Variants in FAM135A observed in about 807,000 individuals in gnomAD.
The protein encoded by FAM135A is protein FAM135A.
FAM135A carries 79 observed loss-of-function variants against 146.8 expected under a neutral mutation model. That is an observed-to-expected ratio of 0.54 (90% CI 0.45 to 0.65). FAM135A has a LOEUF of 0.65. Among genes scored for constraint, FAM135A ranks in the 30% least tolerant of loss-of-function variants. FAM135A has a pLI of 0.00. For missense variants in FAM135A, 1,623 were observed against 1,758.2 expected (o/e 0.92, Z 1.38); for synonymous variants, 562 against 603.6 (o/e 0.93, Z 1.01).
In FAM135A at chr6:70,524,856, A is replaced by G. The variant is rs939007576; in HGVS notation, c.1772A>G (p.Glu591Gly). 2.5e-6 allele frequency: 4 copies of G among 1,602,468 alleles called. No individual in the cohort carries two copies. The African/African-American group carries it at 5.4e-5, about 22-fold the overall frequency. ...ERTEQKSPDI[E>G]NVQPDQFDPL... ...ACTGAACAAAAGTCTCCAGATATTG[A>G]AAATGTTCAACCAGACCAGTTTGAT... is the stretch of plus-strand genomic sequence containing the variant. The change falls in exon 15 of 22, where the codon GAA (glutamate) becomes GGA (glycine). Residue 591 changes from glutamate (E) to glycine (G), a missense_variant. Around this residue, in one of 7 missense-constraint regions of FAM135A, gnomAD observed 1,061 missense variants for 1,113.8 expected, o/e 0.95. Coordinates refer to ENST00000418814, the MANE Select transcript of FAM135A (RefSeq NM_001162529.3).
At chr6:70,543,467 G>A (rs933396643) in intron 20 of FAM135A, among the ~76,000 whole-genome samples, 1 of 152,210 alleles carries the variant, frequency 6.6e-6, no homozygotes, top group African/African-American at 2.4e-5. Flanking sequence ...ATTAGAATCA[G>A]TGAAAGGAAA....
chr6:70,416,416 A>G (rs1209606341), intron 2 of FAM135A, among the ~76,000 whole-genome samples: 6 of 152,004 alleles, frequency 3.9e-5, no homozygotes, highest in Non-Finnish European at 8.8e-5. Flanking sequence ...TAAAATCTTT[A>G]TTTTGTTTAC....
At chr6:70,431,845 A>G (rs1035816170) in intron 4 of FAM135A, among the ~76,000 whole-genome samples, 8 of 152,178 alleles carry the variant, frequency 5.3e-5, no homozygotes, top group Non-Finnish European at 1.2e-4. Context: ...TTTGGAAACC[A>G]TTACTGTTTA....
intron 4 of FAM135A, among the ~76,000 whole-genome samples, chr6:70,444,658 TG>T (rs1775312647): frequency 6.6e-6 from 1 of 152,190 alleles, no homozygotes. Context: ...GTATTTACAG[TG>T]GTAGACTGCT....
Position 70,428,313 on chromosome 6 carries a change from T to C in FAM135A, c.-30T>C. ...CCTTTCCTTAACAAAGGTGCTGTTA[T>C]CAGAATAGTCTTCTGGGTATAAATT... On this transcript the variant is annotated 5_prime_UTR_variant, in exon 4 of 22. Transcript: ENST00000418814. The C allele has an allele frequency of 6.6e-7, 1 of 1,506,416 alleles. No individual in the cohort carries two copies. Among genetic ancestry groups the C allele is most frequent in the East Asian group, 2.4e-5 (1 of 42,454 alleles). 93.3% of individuals were successfully genotyped at this position (1,506,416 alleles called of 1,614,324 possible).
At chr6:70,418,598 T>A (rs958663126) in intron 2 of FAM135A, 1 of 152,376 alleles carries the variant, frequency 6.6e-6, no homozygotes, top group Admixed American at 6.5e-5. Flanking sequence ...ATTACAGGCA[T>A]GAGCCACTGT....
At chr6:70,436,335 T>G (rs927589651) in intron 4 of FAM135A, among the ~76,000 whole-genome samples, 2 of 152,198 alleles carry the variant, frequency 1.3e-5, no homozygotes, top group African/African-American at 4.8e-5. Context: ...CTGAGAATAC[T>G]CGATAAGAAG....
rs997982349 is a variant in FAM135A at position 70,525,840 on chromosome 6, A to G, written c.2756A>G (p.Asp919Gly). Reference protein sequence around the residue: ...AIHSLNSSIKDPLQFVFSDEE... With the variant: ...AIHSLNSSIKGPLQFVFSDEE... The stretch of plus-strand genomic sequence containing the variant: ...CATTCCTTAAATTCAAGCATTAAAG[A>G]CCCTTTACAATTTGTTTTTTCAGAT... The change falls in exon 15 of 22, where the codon GAC becomes GGC. Residue 919 changes from aspartate to glycine, a missense_variant. Physicochemically the swap from Asp to Gly is moderately conservative, Grantham distance 94. This residue lies in a region of FAM135A where 1,061 missense variants were observed against 1,113.8 expected (regional missense o/e 0.95). Transcript: ENST00000418814. 3 of 1,611,400 alleles carry G rather than the reference A, an allele frequency of 1.9e-6. No homozygotes were observed. The highest frequency in any genetic ancestry group is 1.3e-5 in the African/African-American group (1 of 74,748).
At chr6:70,545,341 G>A (rs565551227) in intron 20 of FAM135A, among the ~76,000 whole-genome samples, 17 of 151,996 alleles carry the variant, frequency 1.1e-4, no homozygotes, top group African/African-American at 3.4e-4. Context: ...GGCTGGGCAC[G>A]GTGGCTCATG....
In FAM135A at chr6:70,561,007, TAAA is replaced by T. The variant is rs1488659578; in HGVS notation, c.*1089_*1091del. 2 of 152,580 alleles carry T rather than the reference TAAA, an allele frequency of 1.3e-5. No individual in the cohort carries two copies. Among genetic ancestry groups the T allele is most frequent in the Admixed American group, 1.3e-4 (2 of 15,284 alleles). 9.5% of individuals were successfully genotyped at this position (152,580 alleles called of 1,614,324 possible). ...TCCTTTTCTGTTTTACTTGTGAAAATAAAAATGCACTAAGGTTGGGTAGAAGTT... is the reference window on the plus strand; with the variant it reads ...TCCTTTTCTGTTTTACTTGTGAAAATAATGCACTAAGGTTGGGTAGAAGTT... On this transcript the variant is annotated 3_prime_UTR_variant, in exon 22 of 22. Coordinates refer to ENST00000418814, the MANE Select transcript of FAM135A (RefSeq NM_001162529.3).
chr6:70,475,713 C>T lies in FAM135A; in HGVS notation c.348C>T (p.His116=). Residue 116 remains histidine, a synonymous_variant, in exon 7 of 22, where the codon CAC becomes CAT. Coordinates refer to ENST00000418814, the MANE Select transcript of FAM135A (RefSeq NM_001162529.3). ...ATTTTCTATTATCCTTGGATCTACA[C>T]TTCACAGATGGAGATTATTCGTAAG... is the stretch of plus-strand genomic sequence containing the variant. ...EMNFLLSLDL[H]FTDGDYSADD... 6.2e-7 allele frequency: 1 copy of T among 1,610,014 alleles called. No individual in the cohort carries two copies. Among genetic ancestry groups the T allele is most frequent in the South Asian group, 1.1e-5 (1 of 90,424 alleles).
chr6:70,441,850 A>G (rs1774568141), intron 4 of FAM135A, among the ~76,000 whole-genome samples: 1 of 151,884 alleles, frequency 6.6e-6, no homozygotes, highest in African/African-American at 2.4e-5. Context: ...ACGCCTGGCT[A>G]ATTTTTGTAT....
In FAM135A at chr6:70,521,329, TGCTTTATA is replaced by T. The variant is rs1180120458; in HGVS notation, c.1030-1181_1030-1174del. Reference sequence around the variant, plus strand: ...ATAACTTAAAGATGCGTTTTTTTCATGCTTTATAGCCCCAAAGGAAATCATCTTAATAG... The same window carrying T: ...ATAACTTAAAGATGCGTTTTTTTCATGCCCCAAAGGAAATCATCTTAATAG... On this transcript the variant is annotated intron_variant, in intron 12 of 21. Coordinates refer to ENST00000418814, the MANE Select transcript of FAM135A (RefSeq NM_001162529.3). Among the ~76,000 whole-genome samples, 231 of 152,152 alleles carry T rather than the reference TGCTTTATA, an allele frequency of 1.5e-3. 4 individuals are homozygous for T. The South Asian group carries it at 0.047, about 31-fold the overall frequency.
intron 12 of FAM135A, among the ~76,000 whole-genome samples, chr6:70,506,777 C>T (rs534596936): frequency 2.1e-5 from 3 of 145,302 alleles, no homozygotes; most frequent in South Asian, 2.2e-4. Context: ...ATTTAGTTCC[C>T]GCAAGCAGAC....
At chr6:70,552,524 AGTGGC>A (rs1466087308) in intron 20 of FAM135A, among the ~76,000 whole-genome samples, 1 of 143,248 alleles carries the variant, frequency 7.0e-6, no homozygotes, top group Non-Finnish European at 1.5e-5. Context: ...GCTGGAGTAC[AGTGGC>A]GTGATCTTGG....
At chr6:70,473,809 C>T (rs555658322) in intron 5 of FAM135A, among the ~76,000 whole-genome samples, 9 of 152,242 alleles carry the variant, frequency 5.9e-5, no homozygotes, top group East Asian at 1.9e-4. Context: ...TGCTGCCCAC[C>T]GCCTTCTTGA....
At chr6:70,526,766 TACACACACACACACACACACACAC>T (rs71538422) in intron 15 of FAM135A, 68 bp downstream of exon 15, 1 of 451,508 alleles carries the variant, frequency 2.2e-6, no homozygotes, top group Non-Finnish European at 3.7e-6. Context: ...CACACACACA[TACACACACACACACACACACACAC>T]ACACACACAC....
intron 2 of FAM135A, among the ~76,000 whole-genome samples, chr6:70,415,930 C>T (rs1767456982): frequency 6.6e-6 from 1 of 152,028 alleles, no homozygotes; most frequent in South Asian, 2.1e-4. Context: ...TTAGGGCCAC[C>T]GCAGACAAAA....
intron 12 of FAM135A, among the ~76,000 whole-genome samples, chr6:70,513,653 A>G (rs890778867): frequency 6.6e-6 from 1 of 151,952 alleles, no homozygotes; most frequent in Non-Finnish European, 1.5e-5. Flanking sequence ...TATTTTCCAA[A>G]TGGTTGCTAC....
Sources: allele counts gnomAD v4.1 joint callset (sites outside exome capture counted in the v4.1 genomes callset), GRCh38; gene constraint gnomAD v4.1.1; regional missense constraint gnomAD v4.1.1; transcripts MANE v1.5; gene names NCBI Gene and HGNC (gene_info 2026-07-23, HGNC 2026-07-21).